Variants in LRRC4C observed in about 807,000 individuals in gnomAD.
LRRC4C encodes the protein leucine-rich repeat-containing protein 4C.
LRRC4C carries 5 observed loss-of-function variants against 33.6 expected under a neutral mutation model. The ratio of observed to expected loss-of-function variants is 0.15; its 90% CI spans 0.08 to 0.31. LRRC4C has a LOEUF of 0.31. Among genes scored for constraint, LRRC4C ranks in the 10% least tolerant of loss-of-function variants. LRRC4C has a pLI of 1.00. For missense variants in LRRC4C, 560 were observed against 796.7 expected, an observed-to-expected ratio of 0.70 and a Z score of 3.58; for synonymous variants, 329 against 302.0, an observed-to-expected ratio of 1.09 and a Z score of -0.93.
At chr11:41,304,221 G>T (rs1373569034) in intron 1 of LRRC4C, among the ~76,000 whole-genome samples, 3 of 118,836 alleles carry the variant, frequency 2.5e-5, no homozygotes, top group Admixed American at 8.1e-5. Context: ...GGAGGGAGGT[G>T]GGGGGGTCAG....
At chr11:40,792,286 T>G (rs1405952436) in intron 2 of LRRC4C, among the ~76,000 whole-genome samples, 1 of 152,166 alleles carries the variant, frequency 6.6e-6, no homozygotes, top group African/African-American at 2.4e-5. Context: ...ATATTTTCTT[T>G]ATTATTGAAG....
chr11:40,942,721 T>C (rs1351042242), intron 1 of LRRC4C, among the ~76,000 whole-genome samples: 1 of 152,070 alleles, frequency 6.6e-6, no homozygotes, highest in Non-Finnish European at 1.5e-5. Flanking sequence ...CAGTGTGAGA[T>C]CTGCACTGCA....
chr11:40,372,074 T>C (rs1948473933), intron 3 of LRRC4C, among the ~76,000 whole-genome samples: 1 of 152,218 alleles, frequency 6.6e-6, no homozygotes, highest in African/African-American at 2.4e-5. Context: ...AAGACAGTTT[T>C]GCTGTTCAGG....
At chr11:40,957,320 C>A (rs897414999) in intron 1 of LRRC4C, among the ~76,000 whole-genome samples, 2 of 151,682 alleles carry the variant, frequency 1.3e-5, no homozygotes, top group African/African-American at 4.8e-5. Context: ...TAAAACATTT[C>A]TGTGGCCACT....
At chr11:40,693,462 C>A (rs577887517) in intron 2 of LRRC4C, among the ~76,000 whole-genome samples, 4 of 152,044 alleles carry the variant, frequency 2.6e-5, no homozygotes, top group Non-Finnish European at 5.9e-5. Flanking sequence ...CTGAATGAAG[C>A]AAAGTACATG....
intron 3 of LRRC4C, among the ~76,000 whole-genome samples, chr11:40,533,268 C>G (rs1956342962): frequency 6.6e-6 from 1 of 152,130 alleles, no homozygotes; most frequent in Middle Eastern, 3.2e-3. Context: ...TTATAACATT[C>G]TCTAGATCAG....
chr11:40,822,358 T>G (rs141972715), intron 2 of LRRC4C, among the ~76,000 whole-genome samples: 7 of 151,568 alleles, frequency 4.6e-5, no homozygotes, highest in African/African-American at 9.7e-5. Flanking sequence ...TTTTTATCGC[T>G]GAATAGTATT....
intron 1 of LRRC4C, among the ~76,000 whole-genome samples, chr11:40,954,688 T>A (rs571290433): frequency 2.6e-5 from 4 of 152,022 alleles, no homozygotes; most frequent in African/African-American, 9.6e-5. Context: ...TGTTATTGTG[T>A]GATTAATGCA....
At position 40,769,229 on chromosome 11, in the gene LRRC4C, A is replaced by G. The variant is rs529104966; in HGVS notation, c.-406-120951T>C. On this transcript the variant is annotated intron_variant, in intron 2 of 6. Transcript: ENST00000528697. The stretch of plus-strand genomic sequence containing the variant: ...AATCAAGAAAGTATTCTCATTTACA[A>G]TAGCTACAAATAAAATCAAATGCTT... Among the ~76,000 whole-genome samples, 4 of 152,284 alleles carry G rather than the reference A, an allele frequency of 2.6e-5. No homozygotes were observed. In the South Asian group the frequency reaches 8.3e-4, roughly 32 times the overall value.
At chr11:41,410,194 C>T (rs1954409611) in intron 1 of LRRC4C, among the ~76,000 whole-genome samples, 1 of 152,104 alleles carries the variant, frequency 6.6e-6, no homozygotes, top group South Asian at 2.1e-4. Context: ...AGGGTGAGCT[C>T]TTACTGATTA....
At chr11:41,439,013 A>G (rs889327684) in intron 1 of LRRC4C, among the ~76,000 whole-genome samples, 3 of 152,178 alleles carry the variant, frequency 2.0e-5, no homozygotes, top group South Asian at 2.1e-4. Flanking sequence ...TGAATAGTGT[A>G]CATTGTACCC....
intron 3 of LRRC4C, among the ~76,000 whole-genome samples, chr11:40,580,579 C>A (rs935329557): frequency 1.3e-4 from 19 of 151,708 alleles, no homozygotes; most frequent in African/African-American, 4.4e-4. Flanking sequence ...TATCTATAAC[C>A]CAAAATAAGT....
chr11:40,135,325 C>A (rs1171154950), intron 6 of LRRC4C, among the ~76,000 whole-genome samples: 1 of 152,112 alleles, frequency 6.6e-6, no homozygotes, highest in Non-Finnish European at 1.5e-5. Flanking sequence ...ATATTGGAAC[C>A]AAGTTTTCTT....
intron 2 of LRRC4C, among the ~76,000 whole-genome samples, chr11:40,705,391 G>A (rs1015997317): frequency 2.6e-5 from 4 of 151,776 alleles, no homozygotes; most frequent in African/African-American, 9.7e-5. Flanking sequence ...GGTGTGTGAT[G>A]TTCCCCGCCC....
intron 2 of LRRC4C, among the ~76,000 whole-genome samples, chr11:40,927,533 A>T (rs554855657): frequency 5.3e-5 from 8 of 152,298 alleles, no homozygotes; most frequent in African/African-American, 1.4e-4. Flanking sequence ...CCTTGAGTAC[A>T]TAAAGAATAG....
At chr11:40,525,393 C>T (rs2135263539) in intron 3 of LRRC4C, among the ~76,000 whole-genome samples, 1 of 152,022 alleles carries the variant, frequency 6.6e-6, no homozygotes, top group East Asian at 1.9e-4. Flanking sequence ...TTGCAGTGAG[C>T]CAAGATTGCA....
intron 2 of LRRC4C, among the ~76,000 whole-genome samples, chr11:40,737,326 C>T (rs1947923120): frequency 6.6e-6 from 1 of 152,122 alleles, no homozygotes; most frequent in South Asian, 2.1e-4. Context: ...AGGATGCCCT[C>T]TCTCACCACT....
intron 2 of LRRC4C, among the ~76,000 whole-genome samples, chr11:40,902,171 T>C (rs1448919859): frequency 6.6e-6 from 1 of 152,126 alleles, no homozygotes; most frequent in Non-Finnish European, 1.5e-5. Context: ...TCCAACAGCA[T>C]GTCTTTGTGT....
At chr11:40,647,001 A>G (rs1468890183) in intron 3 of LRRC4C, among the ~76,000 whole-genome samples, 1 of 152,196 alleles carries the variant, frequency 6.6e-6, no homozygotes, top group Non-Finnish European at 1.5e-5. Flanking sequence ...CACACTTGCA[A>G]ACACCTCCAT....
Sources: allele counts gnomAD v4.1 joint callset (sites outside exome capture counted in the v4.1 genomes callset), GRCh38; gene constraint gnomAD v4.1.1; transcripts MANE v1.5; gene names NCBI Gene and HGNC (gene_info 2026-07-23, HGNC 2026-07-21).